XPO4: variants seen among roughly 807,000 people sequenced by gnomAD.
The protein encoded by XPO4 is exportin-4.
In XPO4, 39 loss-of-function variants were observed where a neutral mutation model predicts 143.0. That is an observed-to-expected ratio of 0.27 (90% confidence interval 0.21 to 0.36). The LOEUF (loss-of-function observed/expected upper bound fraction) is 0.36, where lower values mean the gene tolerates loss of function less well. Ranked by LOEUF, XPO4 falls within the 10% of genes least tolerant of loss-of-function variation. The pLI, the probability that XPO4 is intolerant of heterozygous loss-of-function variation, is 1.00. For missense variants in XPO4, 907 were observed against 1,348.0 expected (o/e 0.67, Z 5.12); for synonymous variants, 439 against 474.0 (o/e 0.93, Z 0.96).
At chr13:20,850,335 G>A (rs1349410538) in intron 4 of XPO4, 5 of 931,306 alleles carry the variant, frequency 5.4e-6, no homozygotes, top group Non-Finnish European at 5.1e-6. Context: ...CTAATGCCTA[G>A]AGAAGTTAAT....
intron 1 of XPO4, among the ~76,000 whole-genome samples, chr13:20,899,522 T>C (rs1302935919): frequency 6.6e-6 from 1 of 152,176 alleles, no homozygotes; most frequent in Non-Finnish European, 1.5e-5. Context: ...TTGATTCTTA[T>C]TTTTCAGTTT....
At chr13:20,852,395 T>C (rs757894654) in intron 4 of XPO4, 7 of 985,312 alleles carry the variant, frequency 7.1e-6, no homozygotes, top group South Asian at 4.7e-5. Context: ...GCTATTTTTA[T>C]CTAAGTATAT....
intron 9 of XPO4, among the ~76,000 whole-genome samples, chr13:20,816,589 A>G (rs1360449363): frequency 6.6e-6 from 1 of 152,242 alleles, no homozygotes; most frequent in Non-Finnish European, 1.5e-5. Context: ...TTACAGACAG[A>G]TCACTTAAAT....
At chr13:20,841,670 A>G (rs903654237) in intron 6 of XPO4, among the ~76,000 whole-genome samples, 1 of 152,068 alleles carries the variant, frequency 6.6e-6, no homozygotes, top group Non-Finnish European at 1.5e-5. Flanking sequence ...CACAGTTAAT[A>G]TTCTACTACG....
chr13:20,796,222 G>C lies in XPO4; in HGVS notation c.2651C>G (p.Thr884Ser), dbSNP rs1334639000. ...KAMNLYEACL[T>S]LLQVYSKNNL... The stretch of plus-strand genomic sequence containing the variant: ...ATTCTTAGAATACACTTGCAACAAA[G>C]TAAGGCAGGCTTCATATAAGTTCAT... The change falls in exon 18 of 23, where the codon ACT becomes AGT. Residue 884 changes from threonine to serine, a missense_variant. Coordinates refer to ENST00000255305, the MANE Select transcript of XPO4 (RefSeq NM_022459.5). The C allele has an allele frequency of 6.2e-7, 1 of 1,608,644 alleles. No individual in the cohort carries two copies. The highest frequency in any genetic ancestry group is 8.5e-7 in the Non-Finnish European group (1 of 1,178,196).
At chr13:20,826,793 T>C (rs938731780) in intron 7 of XPO4, among the ~76,000 whole-genome samples, 1 of 152,250 alleles carries the variant, frequency 6.6e-6, no homozygotes, top group Non-Finnish European at 1.5e-5. Flanking sequence ...AAAAGCTCTT[T>C]GGAGTTCTCA....
intron 1 of XPO4, among the ~76,000 whole-genome samples, chr13:20,890,798 C>CA (rs60214499): frequency 0.25 from 23,583 of 93,020 alleles, 3,627 homozygotes; most frequent in East Asian, 0.76. Context: ...GACCCTGCCT[C>CA]AAAAAAAAAA....
At chr13:20,817,287 A>C (rs1168043849) in intron 9 of XPO4, among the ~76,000 whole-genome samples, 1 of 152,246 alleles carries the variant, frequency 6.6e-6, no homozygotes, top group Non-Finnish European at 1.5e-5. Flanking sequence ...ACTACAAAGT[A>C]ATTACCCAAC....
chr13:20,889,206 ACTAGGGATATTTCAAGTGC>A (rs2138175859), intron 1 of XPO4, among the ~76,000 whole-genome samples: 1 of 152,318 alleles, frequency 6.6e-6, no homozygotes, highest in Non-Finnish European at 1.5e-5. Context: ...CCTCAGATAT[ACTAGGGATATTTCAAGTGC>A]CATGTGCGCA....
intron 1 of XPO4, among the ~76,000 whole-genome samples, chr13:20,885,592 T>G (rs889401644): frequency 1.3e-5 from 2 of 152,208 alleles, no homozygotes; most frequent in Non-Finnish European, 1.5e-5. Flanking sequence ...AAAATTATGC[T>G]GTTTATAAGA....
chr13:20,821,570 C>A, intron 9 of XPO4, 134 bp downstream of exon 9: 1 of 978,766 alleles, frequency 1.0e-6, no homozygotes, highest in Non-Finnish European at 1.4e-6. Flanking sequence ...ATAATTTGCA[C>A]ATCTAAACAA....
In XPO4 at chr13:20,783,364, AC is replaced by A. The variant is rs34040184; in HGVS notation, c.*357del. ...GCATATATCCATTTCATATTTAATG[AC>A]AAAAATTCTAAACTTTGGCTAGCCA... On this transcript the variant is annotated 3_prime_UTR_variant, in exon 23 of 23. Coordinates refer to ENST00000255305, the MANE Select transcript of XPO4 (RefSeq NM_022459.5). 1.0e-3 allele frequency: 269 copies of A among 256,928 alleles called. No homozygotes were observed. The highest frequency in any genetic ancestry group is 1.6e-3 in the Non-Finnish European group (216 of 133,014). The allele number at this position is 256,928 out of a possible 1,614,324, so 15.9% of individuals were successfully genotyped here.
chr13:20,867,698 A>G (rs1048453027), intron 2 of XPO4, among the ~76,000 whole-genome samples: 1 of 152,154 alleles, frequency 6.6e-6, no homozygotes, highest in Non-Finnish European at 1.5e-5. Flanking sequence ...GTTTATTTCA[A>G]TCTGGAAACC....
chr13:20,809,104 T>C lies in XPO4; in HGVS notation c.1472A>G (p.His491Arg), dbSNP rs773760691. The C allele has an allele frequency of 1.2e-6, 2 of 1,613,866 alleles. No homozygotes were observed. The highest frequency in any genetic ancestry group is 1.3e-5 in the African/African-American group (1 of 74,942). ...VGMLGRIAAE[H>R]CIPLLTSLLE... Reference sequence around the variant, plus strand: ...GTACCTTGTCAGAAGAGGTATACAGTGTTCTGCAGCAATTCTTCCTAGCAT... The same window carrying C: ...GTACCTTGTCAGAAGAGGTATACAGCGTTCTGCAGCAATTCTTCCTAGCAT... The change falls in exon 11 of 23, where the codon CAC becomes CGC. Residue 491 changes from histidine (H) to arginine (R), a missense_variant. By Grantham distance (29) the His-to-Arg change is conservative. Coordinates refer to ENST00000255305, the MANE Select transcript of XPO4 (RefSeq NM_022459.5).
chr13:20,834,998 A>AACTTC, intron 6 of XPO4, among the ~76,000 whole-genome samples: 1 of 151,886 alleles, frequency 6.6e-6, no homozygotes, highest in East Asian at 1.9e-4. Context: ...AACTTAACTT[A>AACTTC]GTTTTTTGTT....
rs999810424 is a variant in XPO4 at position 20,782,111 on chromosome 13, G to A, written c.*1611C>T. 2 of 152,242 alleles carry A rather than the reference G, an allele frequency of 1.3e-5. No homozygotes were observed. The highest frequency in any genetic ancestry group is 2.4e-5 in the African/African-American group (1 of 41,466). 9.4% of individuals were successfully genotyped at this position (152,242 alleles called of 1,614,324 possible). Reference sequence around the variant, plus strand: ...CTAACATCACATGCACAGGTTGGATGTAATTCAGATGCTCCAGTTTTGTTA... The same window carrying A: ...CTAACATCACATGCACAGGTTGGATATAATTCAGATGCTCCAGTTTTGTTA... On this transcript the variant is annotated 3_prime_UTR_variant, in exon 23 of 23. Coordinates refer to ENST00000255305, the MANE Select transcript of XPO4 (RefSeq NM_022459.5).
chr13:20,900,140 A>G (rs1372826532), intron 1 of XPO4, among the ~76,000 whole-genome samples: 1 of 152,210 alleles, frequency 6.6e-6, no homozygotes, highest in Non-Finnish European at 1.5e-5. Context: ...TAATCCAAGC[A>G]CTTTGGGAGG....
intron 16 of XPO4, among the ~76,000 whole-genome samples, chr13:20,798,225 A>G (rs936258245): frequency 2.0e-5 from 3 of 152,194 alleles, no homozygotes; most frequent in Admixed American, 6.5e-5. Flanking sequence ...CTAGTTCAAT[A>G]TAACTGATAT....
chr13:20,804,754 T>C (rs1394793828), intron 13 of XPO4, among the ~76,000 whole-genome samples: 1 of 152,220 alleles, frequency 6.6e-6, no homozygotes, highest in Admixed American at 6.5e-5. Flanking sequence ...CAGTTTCTCA[T>C]ATTTTCTAAG....
Sources: allele counts gnomAD v4.1 joint callset (sites outside exome capture counted in the v4.1 genomes callset), GRCh38; gene constraint gnomAD v4.1.1; transcripts MANE v1.5; gene names NCBI Gene and HGNC (gene_info 2026-07-23, HGNC 2026-07-21).